Variants in BAIAP2 observed in about 807,000 individuals in gnomAD.
BAIAP2 encodes the protein BAR/IMD domain containing adaptor protein 2, also known as BAR/IMD domain-containing adapter protein 2.
BAIAP2 carries 18 observed loss-of-function variants against 63.0 expected under a neutral mutation model. That is an observed-to-expected ratio of 0.29 (90% CI 0.20 to 0.42). The LOEUF is 0.42. BAIAP2 is among the 10% of genes least tolerant of loss of function. The probability of loss-of-function intolerance (pLI) is 1.00; values close to 1 mark genes in which losing one functional copy is unlikely to be tolerated. For missense variants in BAIAP2, 610 were observed against 734.3 expected (o/e 0.83, Z 1.96); for synonymous variants, 386 against 307.6 (o/e 1.25, Z -2.67).
chr17:81,055,574 G>GTTGTTGTTTTTTTTTGTTTTTT (rs2049367558), intron 2 of BAIAP2, among the ~76,000 whole-genome samples: 10 of 123,410 alleles, frequency 8.1e-5, no homozygotes, highest in South Asian at 2.8e-4. Context: ...AGGGTGTTTT[G>GTTGTTGTTTTTTTTTGTTTTTT]TTTTTTTTTG....
chr17:81,066,838 T>G (rs1344203215), intron 3 of BAIAP2, among the ~76,000 whole-genome samples: 3 of 152,152 alleles, frequency 2.0e-5, no homozygotes, highest in African/African-American at 7.2e-5. Flanking sequence ...TGTCCCAGCC[T>G]CCTCCTGCAG....
intron 7 of BAIAP2, among the ~76,000 whole-genome samples, chr17:81,101,743 G>A (rs756477753): frequency 2.0e-5 from 3 of 152,232 alleles, no homozygotes; most frequent in East Asian, 1.9e-4. Flanking sequence ...CCCTCCTGCC[G>A]GCCTGGGCCT....
In BAIAP2 at chr17:81,046,212, C is replaced by T. The variant is rs1031434761; in HGVS notation, c.55-7456C>T. Among the ~76,000 whole-genome samples, 5 of 152,126 alleles carry T rather than the reference C, an allele frequency of 3.3e-5. No homozygotes were observed. Among genetic ancestry groups the T allele is most frequent in the African/African-American group, 9.7e-5 (4 of 41,410 alleles). On this transcript the variant is annotated intron_variant, in intron 1 of 13. Coordinates refer to ENST00000428708, the MANE Select transcript of BAIAP2 (RefSeq NM_001144888.2). The surrounding 1 kb of genome is among the most constrained non-coding windows in gnomAD (Gnocchi z 4.5). ...CTGCAGGCTCCAGCCCACCTTCAGG[C>T]CCCCGTCCTAACCCTGCGCGCCGTT...
rs554024582 is a variant in BAIAP2, at chr17:81,084,144, C to T, written c.218-688C>T. 1.2e-4 allele frequency among the ~76,000 whole-genome samples: 18 copies of T among 152,316 alleles called. No homozygotes were observed. In the East Asian group the frequency reaches 3.1e-3, roughly 26 times the overall value. ...CCGAGGAGACATCAGTGTCCCCAAG[C>T]GCTGCCCGTGTGTCCCCAGGGCCCT... is the stretch of plus-strand genomic sequence containing the variant. On this transcript the variant is annotated intron_variant, in intron 3 of 13. Coordinates refer to ENST00000428708, the MANE Select transcript of BAIAP2 (RefSeq NM_001144888.2).
At chr17:81,090,967 G>A (rs2056630011) in intron 6 of BAIAP2, among the ~76,000 whole-genome samples, 1 of 152,216 alleles carries the variant, frequency 6.6e-6, no homozygotes, top group South Asian at 2.1e-4. Flanking sequence ...CTGAAGAGAG[G>A]AAGCACCCTG....
At chr17:81,109,254 A>G in intron 13 of BAIAP2, 1 of 1,350,624 alleles carries the variant, frequency 7.4e-7, no homozygotes, top group Non-Finnish European at 9.5e-7. Context: ...ACTGCCAGGC[A>G]GGACCTGCTG....
At chr17:81,037,634 TGC>T (rs1262318045) in intron 1 of BAIAP2, among the ~76,000 whole-genome samples, 2 of 152,236 alleles carry the variant, frequency 1.3e-5, no homozygotes, top group Non-Finnish European at 2.9e-5. Context: ...GGGACGGTGC[TGC>T]CTCTGGCATC....
chr17:81,049,874 T>C (rs2048391003), intron 1 of BAIAP2, among the ~76,000 whole-genome samples: 4 of 152,172 alleles, frequency 2.6e-5, no homozygotes, highest in South Asian at 2.1e-4. Context: ...TGCCCCACAG[T>C]GGGCTCTCCT....
intron 1 of BAIAP2, among the ~76,000 whole-genome samples, chr17:81,045,972 C>T (rs1260296788): frequency 1.3e-5 from 2 of 152,192 alleles, no homozygotes; most frequent in Non-Finnish European, 2.9e-5. Flanking sequence ...CCAGAGCCCT[C>T]TGCGGGGTCT....
intron 13 of BAIAP2, among the ~76,000 whole-genome samples, chr17:81,111,193 C>T (rs4969248): frequency 0.68 from 103,707 of 152,180 alleles, 36,037 homozygotes; most frequent in East Asian, 0.84. Flanking sequence ...TGGCTGTGCC[C>T]GGGGCTCCTC....
intron 9 of BAIAP2, 36 bp downstream of exon 9, chr17:81,104,144 TG>T (rs2058836472): frequency 1.2e-6 from 2 of 1,606,072 alleles, no homozygotes; most frequent in Non-Finnish European, 1.7e-6. Context: ...CTGGGGTCCC[TG>T]GACGTGCCTC....
intron 13 of BAIAP2, chr17:81,111,043 G>A (rs996770823): frequency 6.3e-5 from 98 of 1,551,160 alleles, no homozygotes; most frequent in Admixed American, 1.2e-4. Flanking sequence ...CGCAGCCTGG[G>A]TGGGGAGGGC....
At chr17:81,042,323 T>TA (rs1555652367) in intron 1 of BAIAP2, among the ~76,000 whole-genome samples, 14 of 151,212 alleles carry the variant, frequency 9.3e-5, no homozygotes, top group South Asian at 4.2e-4. Context: ...TTTTTTTTTT[T>TA]ATTTTAATTT....
At chr17:81,041,041 T>C (rs891215512) in intron 1 of BAIAP2, among the ~76,000 whole-genome samples, 1 of 152,244 alleles carries the variant, frequency 6.6e-6, no homozygotes, top group African/African-American at 2.4e-5. Context: ...TCAGGCACAG[T>C]GGCGCCCCCA....
chr17:81,109,387 A>AGG, intron 13 of BAIAP2: 1 of 997,298 alleles, frequency 1.0e-6, no homozygotes, highest in Non-Finnish European at 1.2e-6. Context: ...AAAAAAAAAA[A>AGG]AAAAAAAAGA....
chr17:81,065,652 C>G (rs933385415), intron 3 of BAIAP2, among the ~76,000 whole-genome samples: 1 of 152,216 alleles, frequency 6.6e-6, no homozygotes, highest in Non-Finnish European at 1.5e-5. Context: ...CAGGCCCTCT[C>G]GCTCCCCCAC....
chr17:81,055,508 G>C (rs1410478515), intron 2 of BAIAP2, among the ~76,000 whole-genome samples: 9 of 151,288 alleles, frequency 5.9e-5, no homozygotes, highest in Non-Finnish European at 5.9e-5. Flanking sequence ...TGCACCCGAG[G>C]GACCTGCTCA....
chr17:81,057,662 T>C (rs2049819324), intron 2 of BAIAP2: 3 of 1,354,452 alleles, frequency 2.2e-6, no homozygotes, highest in Admixed American at 3.5e-5. Flanking sequence ...CGTTGTGTTC[T>C]TACGAGTCAA....
chr17:81,052,406 C>T (rs757630397), intron 1 of BAIAP2, among the ~76,000 whole-genome samples: 1 of 152,240 alleles, frequency 6.6e-6, no homozygotes, highest in African/African-American at 2.4e-5. Context: ...CACGCAAAGG[C>T]GCCCTCACCC....
Sources: allele counts gnomAD v4.1 joint callset (sites outside exome capture counted in the v4.1 genomes callset), GRCh38; gene constraint gnomAD v4.1.1; non-coding constraint Gnocchi (gnomAD v3.1); transcripts MANE v1.5; gene names NCBI Gene and HGNC (gene_info 2026-07-23, HGNC 2026-07-21).